The following MVK variants were observed in gnomAD, a reference collection of about 807,000 sequenced individuals.
MVK encodes LH receptor mRNA-binding protein.
A neutral mutation model predicts 43.2 loss-of-function variants in MVK; 34 were observed. That is an observed-to-expected ratio of 0.79 (90% confidence interval 0.60 to 1.05). The LOEUF (loss-of-function observed/expected upper bound fraction) is 1.05, where lower values mean the gene tolerates loss of function less well. Among genes scored for constraint, MVK ranks in the 50% least tolerant of loss-of-function variants. The pLI is 0.00. For synonymous variants in MVK, 190 were observed against 219.8 expected (o/e 0.86, Z 1.20); for missense variants, 395 against 504.0 (o/e 0.78, Z 2.07).
intron 3 of MVK, among the ~76,000 whole-genome samples, chr12:109,577,750 T>A (rs533393324): frequency 1.1e-4 from 17 of 152,202 alleles, no homozygotes; most frequent in Admixed American, 5.2e-4. Flanking sequence ...CCCTCTCTTA[T>A]TGGGAGTTGG....
At chr12:109,586,914 C>T (rs1885459918) in intron 7 of MVK, 115 bp downstream of exon 7, 2 of 1,289,014 alleles carry the variant, frequency 1.6e-6, no homozygotes, top group African/African-American at 1.5e-5. Context: ...GCTCTTCATC[C>T]CCCAATGTGG....
chr12:109,581,377 C>T lies in MVK; in HGVS notation c.372-18C>T. 5.6e-6 allele frequency: 9 copies of T among 1,613,318 alleles called. No individual in the cohort carries two copies. Among genetic ancestry groups the T allele is most frequent in the African/African-American group, 1.3e-5 (1 of 75,036 alleles). On this transcript the variant is annotated intron_variant, in intron 4 of 10. Coordinates refer to ENST00000228510, the MANE Select transcript of MVK (RefSeq NM_000431.4). Reference sequence around the variant, plus strand: ...TGCCCTGCGGGAGAGTCACGTTTCACACCCTGGTGTGTTTCAGGGCCCTGC... The same window carrying T: ...TGCCCTGCGGGAGAGTCACGTTTCATACCCTGGTGTGTTTCAGGGCCCTGC...
intron 5 of MVK, 128 bp from the exon 6 acceptor site, chr12:109,585,894 G>T: frequency 6.6e-6 from 5 of 757,828 alleles, no homozygotes; most frequent in Non-Finnish European, 1.2e-5. Context: ...GTTCAGAGTG[G>T]ACTTGTTCTT....
rs1388434293 is a variant in MVK, at chr12:109,596,890, G to C, written c.*313G>C. On this transcript the variant is annotated 3_prime_UTR_variant, in exon 11 of 11. Transcript: ENST00000228510. ...CCCATCTGCTTCAGGCCCCCGCCTT[G>C]GCCTGTGTTCTTCCTGGCCGCCTGG... The C allele has an allele frequency of 4.4e-6, 2 of 458,412 alleles. No homozygotes were observed. Among genetic ancestry groups the C allele is most frequent in the Non-Finnish European group, 8.1e-6 (2 of 248,110 alleles). The allele number at this position is 458,412 out of a possible 1,614,324, so 28.4% of individuals were successfully genotyped here.
chr12:109,596,287 G>T, intron 10 of MVK, 139 bp from the exon 11 acceptor site: 1 of 1,250,932 alleles, frequency 8.0e-7, no homozygotes, highest in Non-Finnish European at 1.1e-6. Flanking sequence ...AGGTAACCTT[G>T]GGCTTTATGG....
intron 5 of MVK, among the ~76,000 whole-genome samples, chr12:109,582,316 TTTTGTTTGTTTG>T (rs201036800): frequency 1.5e-3 from 57 of 38,012 alleles, no homozygotes; most frequent in African/African-American, 6.3e-3. Flanking sequence ...AGCTTGGTTT[TTTTGTTTGTTTG>T]TTTGTTTGTT....
chr12:109,592,865 T>G (rs1885742766), intron 9 of MVK, among the ~76,000 whole-genome samples: 1 of 152,078 alleles, frequency 6.6e-6, no homozygotes, highest in South Asian at 2.1e-4. Context: ...CTCAATTCCT[T>G]CCACATAGAA....
rs1885877279 is a variant in MVK, at chr12:109,595,416, C to T, written c.1039+235C>T. Among the ~76,000 whole-genome samples the T allele has an allele frequency of 6.6e-6, 1 of 152,110 alleles. No homozygotes were observed. Among genetic ancestry groups the T allele is most frequent in the Admixed American group, 6.5e-5 (1 of 15,270 alleles). On this transcript the variant is annotated intron_variant, in intron 10 of 10. Transcript: ENST00000228510. The surrounding 1 kb of genome is among the most constrained non-coding windows in gnomAD (Gnocchi z 5.9). ...AAGCAGGAAAGTGCACCTAGAGAGC[C>T]TGGTGCAGGGCTGGGCTGTGGCTGG...
chr12:109,575,235 T>G (rs1362745155), intron 2 of MVK, among the ~76,000 whole-genome samples: 1 of 151,872 alleles, frequency 6.6e-6, no homozygotes, highest in African/African-American at 2.4e-5. Context: ...AGCAAAGGAG[T>G]TGAAAACATC....
chr12:109,580,086 A>C, intron 4 of MVK, 140 bp downstream of exon 4: 1 of 1,295,654 alleles, frequency 7.7e-7, no homozygotes, highest in Non-Finnish European at 1.1e-6. Flanking sequence ...TGTGCCAGGC[A>C]CCCTGCCAGG....
Position 109,579,805 on chromosome 12 carries a change from A to T in MVK, c.230A>T (p.Gln77Leu). ...TGCTTGTTTGCCTGTGGAACAGAGCAAGGTGATGTCACAACACCCACCTCA... is the reference window on the plus strand; with the variant it reads ...TGCTTGTTTGCCTGTGGAACAGAGCTAGGTGATGTCACAACACCCACCTCA... Reference protein sequence around the residue: ...LQSLDTSFLEQGDVTTPTSEQ... With the variant: ...LQSLDTSFLELGDVTTPTSEQ... Residue 77 changes from glutamine to leucine, a missense_variant, in exon 4 of 11, where the codon CAA becomes CTA. Coordinates refer to ENST00000228510, the MANE Select transcript of MVK (RefSeq NM_000431.4). The T allele has an allele frequency of 1.2e-6, 2 of 1,614,226 alleles. No homozygotes were observed. The highest frequency in any genetic ancestry group is 1.7e-6 in the Non-Finnish European group (2 of 1,180,038).
intron 5 of MVK, among the ~76,000 whole-genome samples, chr12:109,583,804 A>G (rs1885325953): frequency 6.6e-6 from 1 of 152,166 alleles, no homozygotes; most frequent in South Asian, 2.1e-4. Context: ...AGTGTCATGG[A>G]TTTGTTTGTA....
upstream of MVK, chr12:109,573,429 G>A (rs374802787): frequency 6.8e-6 from 11 of 1,607,134 alleles, no homozygotes; most frequent in Non-Finnish European, 9.3e-6. Flanking sequence ...CACCCGCGCA[G>A]GCCAAGACGG....
intron 9 of MVK, 121 bp from the exon 10 acceptor site, chr12:109,594,907 G>A: frequency 8.0e-7 from 1 of 1,248,752 alleles, no homozygotes; most frequent in South Asian, 1.2e-5. Context: ...GTGCCAGGTA[G>A]GCAAAGCCGT....
intron 9 of MVK, among the ~76,000 whole-genome samples, chr12:109,594,231 T>C: frequency 6.6e-6 from 1 of 152,210 alleles, no homozygotes; most frequent in Non-Finnish European, 1.5e-5. Context: ...GTTTGGTAAA[T>C]GAAATCTAAC....
intron 4 of MVK, 46 bp downstream of exon 4, chr12:109,579,992 G>A (rs369789181): frequency 2.5e-6 from 4 of 1,613,098 alleles, no homozygotes; most frequent in African/African-American, 2.7e-5. Flanking sequence ...GCCTCCCATG[G>A]AGAAAAAGGA....
chr12:109,579,230 C>T, intron 3 of MVK: 2 of 446,650 alleles, frequency 4.5e-6, no homozygotes. Context: ...TCTTCAACCT[C>T]CTGGGCTCAA....
At chr12:109,583,413 A>C (rs531503699) in intron 5 of MVK, among the ~76,000 whole-genome samples, 242 of 152,182 alleles carry the variant, frequency 1.6e-3, no homozygotes, top group African/African-American at 5.6e-3. Flanking sequence ...CCATGTCCCT[A>C]CAAAGGACAT....
chr12:109,579,224 C>T lies in MVK; in HGVS notation c.227-578C>T, dbSNP rs748888865. The T allele has an allele frequency of 3.1e-5, 14 of 446,760 alleles. No individual in the cohort carries two copies. In the East Asian group the frequency reaches 9.9e-4, roughly 32 times the overall value. The allele number at this position is 446,760 out of a possible 1,614,324, so 27.7% of individuals were successfully genotyped here. A position where few individuals can be genotyped will look rare whatever the true frequency, so the allele number is the denominator to read the frequency against. On this transcript the variant is annotated intron_variant, in intron 3 of 10. Transcript: ENST00000228510. ...GTGCGACCACAGCTCACTGTTTCTT[C>T]AACCTCCTGGGCTCAAGCGATCCTC... is the stretch of plus-strand genomic sequence containing the variant.
Sources: gnomAD v4.1 joint callset for allele counts (sites outside exome capture counted in the v4.1 genomes callset) on GRCh38, gnomAD v4.1.1 for gene constraint, Gnocchi (gnomAD v3.1) non-coding constraint, MANE v1.5 for transcripts, NCBI Gene and HGNC (gene_info 2026-07-23, HGNC 2026-07-21) for gene names.